PIGU: variants seen among roughly 807,000 people sequenced by gnomAD.
PIGU encodes the protein GPI-anchor transamidase component PIGU.
In PIGU, 24 loss-of-function variants were observed where a neutral mutation model predicts 49.9. The observed-to-expected ratio is 0.48, with a 90% CI of 0.35 to 0.68. PIGU has a LOEUF of 0.68. PIGU is among the 30% of genes least tolerant of loss of function. The pLI, the probability that PIGU is intolerant of heterozygous loss-of-function variation, is 0.01. For missense variants in PIGU, 490 were observed against 532.6 expected (o/e 0.92, Z 0.79); for synonymous variants, 220 against 205.7 (o/e 1.07, Z -0.59).
chr20:34,573,632 G>C (rs1983103920), intron 11 of PIGU, among the ~76,000 whole-genome samples: 1 of 152,234 alleles, frequency 6.6e-6, no homozygotes, highest in South Asian at 2.1e-4. Context: ...ACCCATGCCA[G>C]CTACCACTGG....
At chr20:34,669,520 A>C (rs1295827713) in intron 1 of PIGU, among the ~76,000 whole-genome samples, 3 of 152,062 alleles carry the variant, frequency 2.0e-5, no homozygotes, top group Admixed American at 1.3e-4. Flanking sequence ...TACAAAAATT[A>C]GCTGGGTGTG....
chr20:34,575,712 G>A (rs536789695), intron 10 of PIGU, among the ~76,000 whole-genome samples: 144 of 152,282 alleles, frequency 9.5e-4, no homozygotes, highest in African/African-American at 3.4e-3. Context: ...ACAGTCCTGG[G>A]TCTTAGGAAC....
At chr20:34,580,524 T>C (rs1178644629) in intron 10 of PIGU, among the ~76,000 whole-genome samples, 1 of 152,216 alleles carries the variant, frequency 6.6e-6, no homozygotes, top group African/African-American at 2.4e-5. Context: ...ATTCACTTCC[T>C]CTGAAGCCTG....
chr20:34,658,627 C>T (rs1284750200), intron 1 of PIGU, among the ~76,000 whole-genome samples: 5 of 150,752 alleles, frequency 3.3e-5, no homozygotes, highest in African/African-American at 1.2e-4. Context: ...ATGTGAGGAG[C>T]GCCTCTGCCC....
chr20:34,671,556 C>T (rs1987307037), intron 1 of PIGU, among the ~76,000 whole-genome samples: 1 of 152,120 alleles, frequency 6.6e-6, no homozygotes, highest in Admixed American at 6.6e-5. Flanking sequence ...GCCACCGTGC[C>T]CAGCCTGTTA....
At chr20:34,661,790 A>C (rs1230760047) in intron 1 of PIGU, among the ~76,000 whole-genome samples, 1 of 152,168 alleles carries the variant, frequency 6.6e-6, no homozygotes, top group Non-Finnish European at 1.5e-5. Flanking sequence ...AGAAATCTTC[A>C]AACTGCTTTC....
intron 2 of PIGU, among the ~76,000 whole-genome samples, chr20:34,647,627 G>A (rs181633004): frequency 1.5e-4 from 22 of 151,530 alleles, no homozygotes; most frequent in East Asian, 5.8e-4. Flanking sequence ...GGCTGGTCTC[G>A]ATCTCCTGAC....
chr20:34,561,671 C>T (rs945833624), intron 11 of PIGU, among the ~76,000 whole-genome samples: 1 of 152,144 alleles, frequency 6.6e-6, no homozygotes, highest in Admixed American at 6.5e-5. Context: ...AAAGGCTTCC[C>T]AAGCCTTAGG....
At chr20:34,635,642 G>A (rs747042455) in intron 5 of PIGU, among the ~76,000 whole-genome samples, 33 of 150,796 alleles carry the variant, frequency 2.2e-4, no homozygotes, top group Admixed American at 8.6e-4. Flanking sequence ...TTGGGAGGCC[G>A]ACACAGGCAG....
intron 11 of PIGU, 95 bp downstream of exon 11, chr20:34,575,009 C>T (rs1202141927): frequency 6.1e-6 from 9 of 1,467,082 alleles, no homozygotes; most frequent in Non-Finnish European, 8.4e-6. Flanking sequence ...CACGTCTGCA[C>T]CCCCCGGTAT....
At chr20:34,566,718 G>A (rs1982782788) in intron 11 of PIGU, among the ~76,000 whole-genome samples, 2 of 152,130 alleles carry the variant, frequency 1.3e-5, no homozygotes, top group Non-Finnish European at 2.9e-5. Context: ...CACATGGTAG[G>A]AAGTGAAGAG....
At chr20:34,675,951 G>C (rs1226820042) in intron 1 of PIGU, among the ~76,000 whole-genome samples, 2 of 150,690 alleles carry the variant, frequency 1.3e-5, no homozygotes, top group African/African-American at 4.9e-5. Flanking sequence ...GGCTACATGA[G>C]TGAATACAGT....
chr20:34,577,727 A>G (rs2146702113), intron 10 of PIGU, among the ~76,000 whole-genome samples: 1 of 152,244 alleles, frequency 6.6e-6, no homozygotes, highest in Non-Finnish European at 1.5e-5. Flanking sequence ...AAACAAACAA[A>G]CAAACAAACA....
At chr20:34,619,856 C>T (rs951483463) in intron 6 of PIGU, among the ~76,000 whole-genome samples, 1 of 152,194 alleles carries the variant, frequency 6.6e-6, no homozygotes, top group African/African-American at 2.4e-5. Context: ...GTTCCTCCTG[C>T]TATTCTTTGT....
intron 1 of PIGU, among the ~76,000 whole-genome samples, chr20:34,664,808 G>A (rs992834894): frequency 3.9e-5 from 6 of 152,188 alleles, no homozygotes; most frequent in South Asian, 2.1e-4. Context: ...TGGAAACATG[G>A]TGAAACCCTG....
chr20:34,599,777 T>A (rs1419185402), intron 7 of PIGU, among the ~76,000 whole-genome samples: 1 of 152,198 alleles, frequency 6.6e-6, no homozygotes, highest in East Asian at 1.9e-4. Context: ...GGAGACAGCA[T>A]TACTGTTAAT....
chr20:34,648,214 C>T (rs938802018), intron 2 of PIGU, among the ~76,000 whole-genome samples: 21 of 149,066 alleles, frequency 1.4e-4, no homozygotes, highest in Non-Finnish European at 2.2e-4. Flanking sequence ...TTTGTACCAC[C>T]GCACTCCAGC....
chr20:34,625,973 T>TATATATAC lies in PIGU; in HGVS notation c.529+8641_529+8642insGTATATAT, dbSNP rs941545662. On this transcript the variant is annotated intron_variant, in intron 6 of 11. Transcript: ENST00000217446. ...CATATATATAATATATATATATATA[T>TATATATAC]ACACACATACACAATTTTACATTGT... Among the ~76,000 whole-genome samples, 119 of 148,534 alleles carry TATATATAC rather than the reference T, an allele frequency of 8.0e-4. 1 individual carries two copies. The highest frequency in any genetic ancestry group is 2.8e-3 in the African/African-American group (116 of 40,846).
chr20:34,596,275 GAC>G (rs1984194290), intron 7 of PIGU, among the ~76,000 whole-genome samples: 1 of 152,150 alleles, frequency 6.6e-6, no homozygotes. Flanking sequence ...AGTCATGAAT[GAC>G]AAGAGAAGAC....
Sources: allele counts gnomAD v4.1 joint callset (sites outside exome capture counted in the v4.1 genomes callset), GRCh38; gene constraint gnomAD v4.1.1; transcripts MANE v1.5; gene names NCBI Gene and HGNC (gene_info 2026-07-23, HGNC 2026-07-21).